KCNH8: variants seen among roughly 807,000 people sequenced by gnomAD.
KCNH8 encodes the protein voltage-gated delayed rectifier potassium channel KCNH8.
A neutral mutation model predicts 103.6 loss-of-function variants in KCNH8; 70 were observed. The ratio of observed to expected loss-of-function variants is 0.68; its 90% CI spans 0.56 to 0.82. The LOEUF is 0.82. Ranked by LOEUF, KCNH8 falls within the 40% of genes least tolerant of loss-of-function variation. The pLI is 0.00. For missense variants in KCNH8, 1,217 were observed against 1,329.9 expected, an observed-to-expected ratio of 0.92 and a Z score of 1.32; for synonymous variants, 498 against 489.4, an observed-to-expected ratio of 1.02 and a Z score of -0.23.
intron 3 of KCNH8, among the ~76,000 whole-genome samples, chr3:19,297,533 T>C (rs143708454): frequency 2.1e-3 from 315 of 152,314 alleles, no homozygotes; most frequent in Non-Finnish European, 3.6e-3. Flanking sequence ...ATTGGCTAAA[T>C]TGAAGTTACA....
chr3:19,426,052 G>A (rs960986541), intron 7 of KCNH8, among the ~76,000 whole-genome samples: 2 of 152,118 alleles, frequency 1.3e-5, no homozygotes, highest in Non-Finnish European at 2.9e-5. Flanking sequence ...TGTGTTCCTG[G>A]ATTCTTAGCT....
chr3:19,508,340 A>T (rs1002440899), intron 11 of KCNH8, among the ~76,000 whole-genome samples: 1 of 152,158 alleles, frequency 6.6e-6, no homozygotes, highest in Non-Finnish European at 1.5e-5. Flanking sequence ...AGGAAGAAAA[A>T]TATATTGCAT....
rs374398402 is a variant in KCNH8 at position 19,439,983 on chromosome 3, AAGGC to A, written c.1375+1636_1375+1639del. 1.9e-3 allele frequency among the ~76,000 whole-genome samples: 286 copies of A among 152,116 alleles called. 3 individuals are homozygous for A. The highest frequency in any genetic ancestry group is 6.5e-3 in the African/African-American group (268 of 41,526). ...GGAGAGGGAGAGAGATAAAGGATGG[AAGGC>A]AGGCAGGCAGGCAAAAGAAAGAAAG... On this transcript the variant is annotated intron_variant, in intron 8 of 15. Transcript: ENST00000328405.
intron 1 of KCNH8, among the ~76,000 whole-genome samples, chr3:19,169,869 C>T (rs1310686699): frequency 6.6e-6 from 1 of 152,118 alleles, no homozygotes; most frequent in African/African-American, 2.4e-5. Context: ...AGTTGTATAT[C>T]ATTTTTTGTT....
At chr3:19,321,260 C>A (rs1157823105) in intron 3 of KCNH8, among the ~76,000 whole-genome samples, 1 of 151,622 alleles carries the variant, frequency 6.6e-6, no homozygotes, top group East Asian at 1.9e-4. Context: ...TCTAGTTCTC[C>A]GAGGTGCGAC....
intron 4 of KCNH8, chr3:19,346,563 T>C (rs2065732297): frequency 2.2e-6 from 1 of 453,124 alleles, no homozygotes; most frequent in Admixed American, 2.4e-5. Context: ...GGTGCGTTAA[T>C]ATTAAGGTAG....
chr3:19,169,081 CTG>C (rs1299649065), intron 1 of KCNH8, among the ~76,000 whole-genome samples: 1 of 152,092 alleles, frequency 6.6e-6, no homozygotes, highest in Non-Finnish European at 1.5e-5. Context: ...ATAATTGTCA[CTG>C]TTTTATTAAA....
chr3:19,440,550 G>C (rs865812334), intron 8 of KCNH8, among the ~76,000 whole-genome samples: 1 of 152,100 alleles, frequency 6.6e-6, no homozygotes, highest in African/African-American at 2.4e-5. Context: ...ATCTTGTAAG[G>C]CTTATTTACT....
At chr3:19,369,619 CAT>C (rs1231171100) in intron 5 of KCNH8, among the ~76,000 whole-genome samples, 1 of 151,918 alleles carries the variant, frequency 6.6e-6, no homozygotes, top group Non-Finnish European at 1.5e-5. Context: ...TCCAATGAAA[CAT>C]AGCTACTTAA....
At chr3:19,457,217 CTT>C (rs1308940730) in intron 11 of KCNH8, among the ~76,000 whole-genome samples, 1 of 151,866 alleles carries the variant, frequency 6.6e-6, no homozygotes, top group Non-Finnish European at 1.5e-5. Context: ...CAGTTTCTTT[CTT>C]GTTTCTTTTC....
intron 3 of KCNH8, among the ~76,000 whole-genome samples, chr3:19,342,294 A>G (rs924845200): frequency 2.6e-5 from 4 of 152,146 alleles, no homozygotes; most frequent in African/African-American, 9.6e-5. Context: ...TCAGTGTAGA[A>G]TAGCAGGAAG....
chr3:19,343,622 G>C (rs1006566060), intron 4 of KCNH8, among the ~76,000 whole-genome samples: 1 of 152,054 alleles, frequency 6.6e-6, no homozygotes, highest in Non-Finnish European at 1.5e-5. Flanking sequence ...GAAACAACCA[G>C]ATCTATTTTG....
At chr3:19,154,355 G>T (rs951193359) in intron 1 of KCNH8, among the ~76,000 whole-genome samples, 2 of 152,138 alleles carry the variant, frequency 1.3e-5, no homozygotes, top group Non-Finnish European at 2.9e-5. Context: ...ATGGAAAGTA[G>T]GTTAGACCAG....
intron 11 of KCNH8, among the ~76,000 whole-genome samples, chr3:19,482,487 C>T (rs898840472): frequency 1.3e-5 from 2 of 152,178 alleles, no homozygotes; most frequent in Non-Finnish European, 2.9e-5. Flanking sequence ...TCATACAGTA[C>T]ACTTGTGCCA....
chr3:19,318,602 T>C (rs2065305984), intron 3 of KCNH8, among the ~76,000 whole-genome samples: 1 of 151,218 alleles, frequency 6.6e-6, no homozygotes, highest in Admixed American at 6.6e-5. Context: ...AATGCCATTA[T>C]TTTGTTCCTT....
At chr3:19,498,202 C>G (rs1263618155) in intron 11 of KCNH8, among the ~76,000 whole-genome samples, 2 of 152,292 alleles carry the variant, frequency 1.3e-5, no homozygotes, top group Middle Eastern at 3.4e-3. Flanking sequence ...TGTTGCCACT[C>G]TGTTACTTTT....
chr3:19,408,261 C>A (rs1166626699), intron 7 of KCNH8, among the ~76,000 whole-genome samples: 1 of 152,020 alleles, frequency 6.6e-6, no homozygotes, highest in Non-Finnish European at 1.5e-5. Flanking sequence ...AAAAGACCCT[C>A]CTCATCATTC....
At chr3:19,497,316 A>C (rs2068464185) in intron 11 of KCNH8, among the ~76,000 whole-genome samples, 1 of 151,942 alleles carries the variant, frequency 6.6e-6, no homozygotes, top group African/African-American at 2.4e-5. Context: ...TTGCTTCTCT[A>C]GTTCCTCTAG....
At chr3:19,501,213 C>A (rs868858418) in intron 11 of KCNH8, among the ~76,000 whole-genome samples, 1 of 151,052 alleles carries the variant, frequency 6.6e-6, no homozygotes, top group Non-Finnish European at 1.5e-5. Context: ...TACACTCTCC[C>A]AAGACTAAAC....
Sources: gnomAD v4.1 joint callset for allele counts (sites outside exome capture counted in the v4.1 genomes callset) on GRCh38, gnomAD v4.1.1 for gene constraint, MANE v1.5 for transcripts, NCBI Gene and HGNC (gene_info 2026-07-23, HGNC 2026-07-21) for gene names.